The following TUBA1C variants were observed in gnomAD, a reference collection of about 807,000 sequenced individuals.
TUBA1C encodes the protein tubulin alpha-1C chain.
TUBA1C carries 16 observed loss-of-function variants against 34.9 expected under a neutral mutation model. The observed-to-expected ratio is 0.46, with a 90% CI of 0.31 to 0.70. The LOEUF (loss-of-function observed/expected upper bound fraction) is 0.70. Among genes scored for constraint, TUBA1C ranks in the 30% least tolerant of loss-of-function variants. The pLI, the probability that TUBA1C is intolerant of heterozygous loss-of-function variation, is 0.05. For missense variants in TUBA1C, 329 were observed against 587.3 expected, an observed-to-expected ratio of 0.56 and a Z score of 4.55; for synonymous variants, 177 against 215.9, an observed-to-expected ratio of 0.82 and a Z score of 1.58.
At chr12:49,257,905 C>T in intron 1 of TUBA1C, 1 of 177,786 alleles carries the variant, frequency 5.6e-6, no homozygotes, top group Non-Finnish European at 1.2e-5. Flanking sequence ...ACTGCCCAGG[C>T]TGGAGTGCAG....
chr12:49,270,220 C>G (rs2137022757), intron 3 of TUBA1C: 1 of 696,214 alleles, frequency 1.4e-6, no homozygotes, highest in East Asian at 2.9e-5. Context: ...TTGAGGTCAT[C>G]TTAGTCATAC....
chr12:49,237,350 G>A (rs529557196), intron 1 of TUBA1C, among the ~76,000 whole-genome samples: 100 of 151,784 alleles, frequency 6.6e-4, no homozygotes, highest in African/African-American at 1.6e-3. Flanking sequence ...ACCTGGGAGC[G>A]GAGGTTGCGG....
intron 1 of TUBA1C, among the ~76,000 whole-genome samples, chr12:49,245,466 G>C (rs1405922103): frequency 6.6e-6 from 1 of 152,116 alleles, no homozygotes; most frequent in African/African-American, 2.4e-5. Flanking sequence ...AAATTAACCA[G>C]GTAGTGGTGG....
chr12:49,260,540 C>T (rs923983682), upstream of TUBA1C, among the ~76,000 whole-genome samples: 2 of 152,074 alleles, frequency 1.3e-5, no homozygotes, highest in African/African-American at 4.8e-5. Context: ...AAGAGAACTT[C>T]TAAAGAATTT....
intron 1 of TUBA1C, among the ~76,000 whole-genome samples, chr12:49,231,368 T>C (rs1942495162): frequency 6.6e-6 from 1 of 152,092 alleles, no homozygotes. Context: ...ATATAGGATC[T>C]TGTGTTGCCC....
At chr12:49,235,913 C>T (rs2136988818) in intron 1 of TUBA1C, among the ~76,000 whole-genome samples, 1 of 152,260 alleles carries the variant, frequency 6.6e-6, no homozygotes, top group Admixed American at 6.5e-5. Flanking sequence ...TCCACCGGCC[C>T]ACGGGCACAG....
At chr12:49,233,421 A>G (rs1942517336) in intron 1 of TUBA1C, 1 of 152,114 alleles carries the variant, frequency 6.6e-6, no homozygotes, top group Admixed American at 6.5e-5. Context: ...CCAAACACTG[A>G]GCTCTCAGTG....
Position 49,273,319 on chromosome 12 carries a change from A to G in TUBA1C, c.*92A>G. The G allele has an allele frequency of 6.2e-7, 1 of 1,608,312 alleles. No homozygotes were observed. The highest frequency in any genetic ancestry group is 1.1e-5 in the South Asian group (1 of 90,770). ...TTGCCGTAAATTGTTAATAAAATTGAAGTTTCCATTTTAAATGTCGAGCTG... is the reference window on the plus strand; with the variant it reads ...TTGCCGTAAATTGTTAATAAAATTGGAGTTTCCATTTTAAATGTCGAGCTG... On this transcript the variant is annotated 3_prime_UTR_variant, in exon 4 of 4. Transcript: ENST00000301072.
rs1397262715 is a variant in TUBA1C, at chr12:49,237,172, C to CA, written c.213+9007dup. Among the ~76,000 whole-genome samples, 2 of 152,168 alleles carry CA rather than the reference C, an allele frequency of 1.3e-5. 1 individual carries two copies. Among genetic ancestry groups the CA allele is most frequent in the Non-Finnish European group, 2.9e-5 (2 of 68,034 alleles). On this transcript the variant is annotated intron_variant, in intron 1 of 3. Coordinates refer to the TUBA1C transcript ENST00000541364. Reference sequence around the variant, plus strand: ...TCGTGGCTCACACCTGTAGTCCCAACACTTTGGGAGGCTGAGGCAGGTGGA... The same window carrying CA: ...TCGTGGCTCACACCTGTAGTCCCAACAACTTTGGGAGGCTGAGGCAGGTGGA...
At position 49,272,532 on chromosome 12, in the gene TUBA1C, A is replaced by G; in HGVS notation, c.655A>G (p.Ile219Val). 1.2e-6 allele frequency: 2 copies of G among 1,608,972 alleles called. No individual in the cohort carries two copies. Among genetic ancestry groups the G allele is most frequent in the East Asian group, 2.2e-5 (1 of 44,768 alleles). Residue 219 changes from isoleucine (I) to valine (V), a missense_variant, in exon 4 of 4, where the codon ATC (isoleucine) becomes GTC (valine). Ile to Val is a conservative substitution (Grantham distance 29). Around this residue, in one of 4 missense-constraint regions of TUBA1C, gnomAD observed 140 missense variants for 289.8 expected, o/e 0.48. Transcript: ENST00000301072. ...IYDICRRNLD[I>V]ERPTYTNLNR... ...TGACATCTGTCGTAGAAACCTCGAT[A>G]TCGAGCGCCCAACCTACACTAACCT...
intron 1 of TUBA1C, among the ~76,000 whole-genome samples, chr12:49,241,857 C>T (rs941188677): frequency 2.0e-5 from 3 of 151,912 alleles, no homozygotes; most frequent in African/African-American, 4.8e-5. Context: ...ACTATGTTGC[C>T]CAGGCTGGTC....
chr12:49,234,667 C>A (rs1186653939), intron 1 of TUBA1C, among the ~76,000 whole-genome samples: 1 of 152,150 alleles, frequency 6.6e-6, no homozygotes, highest in African/African-American at 2.4e-5. Flanking sequence ...ACTTCCGCCG[C>A]GGCCCGGCGA....
chr12:49,273,393 G>A lies in TUBA1C; in HGVS notation c.*166G>A. 3 of 1,269,178 alleles carry A rather than the reference G, an allele frequency of 2.4e-6. No individual in the cohort carries two copies. The highest frequency in any genetic ancestry group is 1.1e-6 in the Non-Finnish European group (1 of 913,462). 78.6% of individuals were successfully genotyped at this position (1,269,178 alleles called of 1,614,324 possible). Reference sequence around the variant, plus strand: ...AGTTGGATGTATGAGGCTGGTAGATGAAACCACCTGAGTCGAGGGTCTTGC... The same window carrying A: ...AGTTGGATGTATGAGGCTGGTAGATAAAACCACCTGAGTCGAGGGTCTTGC... On this transcript the variant is annotated 3_prime_UTR_variant, in exon 4 of 4. Transcript: ENST00000301072.
At chr12:49,260,967 T>C (rs1487793476), upstream of TUBA1C, among the ~76,000 whole-genome samples, 1 of 152,164 alleles carries the variant, frequency 6.6e-6, no homozygotes, top group Non-Finnish European at 1.5e-5. Context: ...CTCCTGGACT[T>C]AAGCAATCTG....
intron 1 of TUBA1C, among the ~76,000 whole-genome samples, chr12:49,268,864 A>G (rs939504273): frequency 1.3e-5 from 2 of 152,196 alleles, no homozygotes; most frequent in African/African-American, 4.8e-5. Flanking sequence ...CATTCAGAGA[A>G]TGAATCAGAG....
At chr12:49,236,637 T>G (rs1023599485) in intron 1 of TUBA1C, among the ~76,000 whole-genome samples, 2 of 152,240 alleles carry the variant, frequency 1.3e-5, no homozygotes, top group African/African-American at 4.8e-5. Context: ...TGATACTTTC[T>G]GAGAAATGCA....
At chr12:49,246,018 C>G in intron 1 of TUBA1C, among the ~76,000 whole-genome samples, 1 of 152,164 alleles carries the variant, frequency 6.6e-6, no homozygotes, top group African/African-American at 2.4e-5. Context: ...AATTCTCCTG[C>G]CTCAGCCTCC....
intron 1 of TUBA1C, among the ~76,000 whole-genome samples, chr12:49,237,354 G>A (rs1213620925): frequency 6.6e-6 from 1 of 151,978 alleles, no homozygotes; most frequent in African/African-American, 2.4e-5. Flanking sequence ...GGGAGCGGAG[G>A]TTGCGGTGAG....
At chr12:49,257,858 T>C in intron 1 of TUBA1C, 1 of 192,950 alleles carries the variant, frequency 5.2e-6, no homozygotes, top group Non-Finnish European at 1.1e-5. Context: ...AAAAAAAGTT[T>C]ACAATTTTTT....
Sources: allele counts gnomAD v4.1 joint callset (sites outside exome capture counted in the v4.1 genomes callset), GRCh38; gene constraint gnomAD v4.1.1; regional missense constraint gnomAD v4.1.1; transcripts MANE v1.5; gene names NCBI Gene and HGNC (gene_info 2026-07-23, HGNC 2026-07-21).